MACROD1: variants seen among roughly 807,000 people sequenced by gnomAD.
The protein encoded by MACROD1 is mono-ADP ribosylhydrolase 1, also known as ADP-ribose glycohydrolase MACROD1.
Under a neutral mutation model 41.4 loss-of-function variants are expected in MACROD1, and 31 were observed. The ratio of observed to expected loss-of-function variants is 0.75; its 90% confidence interval spans 0.56 to 1.01. The LOEUF is 1.01. Among genes scored for constraint, MACROD1 ranks in the 50% least tolerant of loss-of-function variants. The pLI, the probability that MACROD1 is intolerant of heterozygous loss-of-function variation, is 0.00. For missense variants in MACROD1, 473 were observed against 460.0 expected, an observed-to-expected ratio of 1.03 and a Z score of -0.26; for synonymous variants, 252 against 203.4, an observed-to-expected ratio of 1.24 and a Z score of -2.03.
At chr11:64,018,034 G>A (rs542791112) in intron 3 of MACROD1, among the ~76,000 whole-genome samples, 3 of 152,232 alleles carry the variant, frequency 2.0e-5, no homozygotes, top group African/African-American at 7.2e-5. Context: ...CTGACCTGAC[G>A]CCAACCCGGC....
rs769058023 is a variant in MACROD1, at chr11:63,999,768, G to C, written c.665-5C>G. 1.9e-6 allele frequency: 3 copies of C among 1,602,886 alleles called. No individual in the cohort carries two copies. Among genetic ancestry groups the C allele is most frequent in the Middle Eastern group, 2.2e-4 (1 of 4,460 alleles). On this transcript the variant is annotated splice_region_variant and splice_polypyrimidine_tract_variant and intron_variant, in intron 5 of 10. Coordinates refer to ENST00000255681, the MANE Select transcript of MACROD1 (RefSeq NM_014067.4). Reference sequence around the variant, plus strand: ...GCCCCACTGTGTGGATGACGTCTACGGGGGGCGACGGGGTCAGACCGGCGG... The same window carrying C: ...GCCCCACTGTGTGGATGACGTCTACCGGGGGCGACGGGGTCAGACCGGCGG...
rs185887329 is a variant in MACROD1, at chr11:64,124,225, G to A, written c.517+27014C>T. Among the ~76,000 whole-genome samples, 165 of 152,256 alleles carry A rather than the reference G, an allele frequency of 1.1e-3. 1 individual carries two copies. The highest frequency in any genetic ancestry group is 3.8e-3 in the African/African-American group (157 of 41,530). On this transcript the variant is annotated intron_variant, in intron 3 of 10. Coordinates refer to ENST00000255681, the MANE Select transcript of MACROD1 (RefSeq NM_014067.4). ...AGTCTAAACTCAGCACCTATGGCTC[G>A]CCAGAGGGGCTGACAGAGAGCGCCT... is the stretch of plus-strand genomic sequence containing the variant.
chr11:64,139,660 A>G (rs1945382482), intron 3 of MACROD1, among the ~76,000 whole-genome samples: 1 of 152,162 alleles, frequency 6.6e-6, no homozygotes, highest in Admixed American at 6.5e-5. Flanking sequence ...CCCAAGGCCT[A>G]AAGAGGCAGG....
intron 3 of MACROD1, among the ~76,000 whole-genome samples, chr11:64,097,338 C>T (rs1479734319): frequency 1.3e-5 from 2 of 152,248 alleles, no homozygotes; most frequent in Non-Finnish European, 2.9e-5. Context: ...CCCAGGCCAC[C>T]TCTGGCCAGA....
chr11:64,076,984 GTGACGGATGGGAGC>G (rs1944213333), intron 3 of MACROD1, among the ~76,000 whole-genome samples: 1 of 152,146 alleles, frequency 6.6e-6, no homozygotes, highest in South Asian at 2.1e-4. Context: ...ATAGGGCTGA[GTGACGGATGGGAGC>G]TGTCGCTAGG....
chr11:64,060,456 C>A (rs1943877843), intron 3 of MACROD1: 1 of 152,274 alleles, frequency 6.6e-6, no homozygotes. Flanking sequence ...GGACCTGGGG[C>A]CCCTGTCGGG....
chr11:63,999,086 G>T, intron 8 of MACROD1, 50 bp from the exon 9 acceptor site: 1 of 1,525,312 alleles, frequency 6.6e-7, no homozygotes, highest in Non-Finnish European at 8.8e-7. Context: ...CCTGGCCCCA[G>T]GATCCTGTGA....
intron 3 of MACROD1, among the ~76,000 whole-genome samples, chr11:64,041,829 T>A (rs1943492769): frequency 6.6e-6 from 1 of 152,082 alleles, no homozygotes; most frequent in Non-Finnish European, 1.5e-5. Context: ...TGTCTGGCCC[T>A]AGGGACATGG....
intron 1 of MACROD1, among the ~76,000 whole-genome samples, chr11:64,163,058 T>C (rs1590985864): frequency 6.6e-6 from 1 of 151,712 alleles, no homozygotes; most frequent in Middle Eastern, 3.4e-3. Context: ...GAGGCGGAGG[T>C]TGCAGTGAGC....
intron 3 of MACROD1, among the ~76,000 whole-genome samples, chr11:64,083,984 A>T (rs1944348523): frequency 7.1e-6 from 1 of 140,420 alleles, no homozygotes; most frequent in Non-Finnish European, 1.6e-5. Flanking sequence ...TCATTTACAC[A>T]ACTGGAACAC....
In MACROD1 at chr11:64,033,845, A is replaced by C. The variant is rs189642974; in HGVS notation, c.518-18564T>G. Among the ~76,000 whole-genome samples the C allele has an allele frequency of 5.0e-3, 762 of 152,056 alleles. 5 individuals carry two copies. Among genetic ancestry groups the C allele is most frequent in the African/African-American group, 0.016 (662 of 41,466 alleles). Reference sequence around the variant, plus strand: ...GACAAGAGTGAAACGCCGCCCCCCCAAAAAAATTATTATTTTTATTTTTTT... The same window carrying C: ...GACAAGAGTGAAACGCCGCCCCCCCCAAAAAATTATTATTTTTATTTTTTT... On this transcript the variant is annotated intron_variant, in intron 3 of 10. Coordinates refer to ENST00000255681, the MANE Select transcript of MACROD1 (RefSeq NM_014067.4).
chr11:64,048,350 C>T (rs2014328), intron 3 of MACROD1, among the ~76,000 whole-genome samples: 21,235 of 152,218 alleles, frequency 0.14, 1,866 homozygotes, highest in Non-Finnish European at 0.19. Flanking sequence ...TGCCCTGACC[C>T]GGGGTCAGCA....
chr11:64,010,763 G>C (rs1942999229), intron 4 of MACROD1, among the ~76,000 whole-genome samples: 1 of 145,162 alleles, frequency 6.9e-6, no homozygotes, highest in South Asian at 2.3e-4. Flanking sequence ...TGGCATATTG[G>C]TTGGCACGAG....
rs1944466016 is a variant in MACROD1, at chr11:64,090,247, C to T, written c.517+60992G>A. Among the ~76,000 whole-genome samples the T allele has an allele frequency of 6.6e-6, 1 of 152,152 alleles. No individual in the cohort carries two copies. Among genetic ancestry groups the T allele is most frequent in the South Asian group, 2.1e-4 (1 of 4,828 alleles). ...AAAGGCCAACGGGCGTGTGGGTCTC[C>T]AGCCTTTGCTCATCCTCGGGAAATG... On this transcript the variant is annotated intron_variant, in intron 3 of 10. Transcript: ENST00000255681. The surrounding 1 kb of genome is among the most constrained non-coding windows in gnomAD (Gnocchi z 4.7).
intron 4 of MACROD1, among the ~76,000 whole-genome samples, chr11:64,006,153 G>T (rs1464403738): frequency 6.6e-6 from 1 of 152,256 alleles, no homozygotes; most frequent in Non-Finnish European, 1.5e-5. Context: ...TAACCCTGCA[G>T]AGGGAAGGTT....
At chr11:64,032,656 T>G (rs751269319) in intron 3 of MACROD1, among the ~76,000 whole-genome samples, 1 of 152,052 alleles carries the variant, frequency 6.6e-6, no homozygotes, top group Non-Finnish European at 1.5e-5. Context: ...GCATCCCCCA[T>G]GAGTGCCCAG....
chr11:64,111,555 G>A (rs1249646905), intron 3 of MACROD1, among the ~76,000 whole-genome samples: 1 of 152,186 alleles, frequency 6.6e-6, no homozygotes, highest in Non-Finnish European at 1.5e-5. Context: ...CTGTGACCTT[G>A]GCTGGGCCCC....
At chr11:64,006,172 A>G (rs1942910798) in intron 4 of MACROD1, among the ~76,000 whole-genome samples, 1 of 152,196 alleles carries the variant, frequency 6.6e-6, no homozygotes. Flanking sequence ...TTTAGCCACA[A>G]AGACCGGATA....
intron 4 of MACROD1, among the ~76,000 whole-genome samples, chr11:64,008,567 G>A (rs113610804): frequency 8.5e-5 from 13 of 152,280 alleles, no homozygotes; most frequent in African/African-American, 1.2e-4. Flanking sequence ...GCTCGGGCCC[G>A]GGAGCAGCAT....
Sources: allele counts gnomAD v4.1 joint callset (sites outside exome capture counted in the v4.1 genomes callset), GRCh38; gene constraint gnomAD v4.1.1; non-coding constraint Gnocchi (gnomAD v3.1); transcripts MANE v1.5; gene names NCBI Gene and HGNC (gene_info 2026-07-23, HGNC 2026-07-21).